APOLD1: variants seen among roughly 807,000 people sequenced by gnomAD.
APOLD1 encodes apolipoprotein L domain containing 1, also known as apolipoprotein L domain-containing protein 1.
APOLD1 carries 22 observed loss-of-function variants against 15.3 expected under a neutral mutation model. The ratio of observed to expected loss-of-function variants is 1.44; its 90% CI spans 1.03 to 2.05. APOLD1 has a LOEUF of 2.05. APOLD1 is among the 30% of genes most tolerant of loss of function. The pLI, the probability that APOLD1 is intolerant of heterozygous loss-of-function variation, is 0.00. For synonymous variants in APOLD1, 190 were observed against 167.4 expected (o/e 1.13, Z -1.04); for missense variants, 394 against 353.5 (o/e 1.11, Z -0.92).
intron 1 of APOLD1, among the ~76,000 whole-genome samples, chr12:12,776,937 AT>A (rs1387296343): frequency 6.6e-6 from 1 of 152,186 alleles, no homozygotes. Context: ...AGAAAAGTGT[AT>A]TTTTTAAATA....
At chr12:12,781,526 C>CT (rs774609531), upstream of APOLD1, among the ~76,000 whole-genome samples, 1,908 of 138,800 alleles carry the variant, frequency 0.014, 41 homozygotes, top group African/African-American at 0.036. Context: ...ATCACTTTAT[C>CT]TTTTTTTTTT....
chr12:12,763,636 A>G (rs538959776), intron 1 of APOLD1, among the ~76,000 whole-genome samples: 22 of 152,280 alleles, frequency 1.4e-4, no homozygotes, highest in African/African-American at 4.8e-4. Context: ...GATTTAAAGG[A>G]TAGGGAGGAT....
chr12:12,755,093 GT>G (rs1464895975), intron 1 of APOLD1, among the ~76,000 whole-genome samples: 1 of 151,994 alleles, frequency 6.6e-6, no homozygotes, highest in African/African-American at 2.4e-5. Flanking sequence ...TGTGATATAA[GT>G]GCAAGAATAG....
At chr12:12,761,833 A>ATAT in intron 1 of APOLD1, among the ~76,000 whole-genome samples, 2 of 121,004 alleles carry the variant, frequency 1.7e-5, no homozygotes, top group African/African-American at 1.0e-4. Context: ...ATATGTATAG[A>ATAT]GAGAGAGAGA....
At position 12,790,773 on chromosome 12, in the gene APOLD1, T is replaced by A. The variant is rs1451429008; in HGVS notation, c.*3121T>A. On this transcript the variant is annotated 3_prime_UTR_variant, in exon 2 of 2. Coordinates refer to ENST00000356591, the MANE Select transcript of APOLD1 (RefSeq NM_030817.3). ...CCATCGCCTTATGTGTGAGTAAGAT[T>A]GGAGCCTCTATCAAGATTTAGTCAA... 4 of 152,244 alleles carry A rather than the reference T, an allele frequency of 2.6e-5. No individual in the cohort carries two copies. The highest frequency in any genetic ancestry group is 9.6e-5 in the African/African-American group (4 of 41,468). 9.4% of individuals were successfully genotyped at this position (152,244 alleles called of 1,614,324 possible).
intron 1 of APOLD1, among the ~76,000 whole-genome samples, chr12:12,766,090 C>A (rs543648004): frequency 7.9e-5 from 12 of 152,126 alleles, no homozygotes; most frequent in Non-Finnish European, 1.5e-4. Flanking sequence ...AGGACCTTAT[C>A]TCTTAATTTT....
chr12:12,771,671 C>T (rs1946988317), intron 1 of APOLD1: 3 of 470,914 alleles, frequency 6.4e-6, no homozygotes, highest in African/African-American at 6.0e-5. Context: ...CCTCTTGTCT[C>T]CTCTGGCTCC....
At chr12:12,749,110 C>T (rs1946787781) in intron 1 of APOLD1, among the ~76,000 whole-genome samples, 1 of 152,150 alleles carries the variant, frequency 6.6e-6, no homozygotes, top group East Asian at 1.9e-4. Context: ...TTTGGTGAGG[C>T]TGCAGTCTCT....
chr12:12,746,166 A>G (rs532669342), intron 1 of APOLD1, among the ~76,000 whole-genome samples: 1 of 152,168 alleles, frequency 6.6e-6, no homozygotes, highest in East Asian at 1.9e-4. Context: ...AAGGCTTAAA[A>G]CGTATGTCTC....
chr12:12,732,217 A>C (rs1056704489), intron 1 of APOLD1, among the ~76,000 whole-genome samples: 4 of 152,218 alleles, frequency 2.6e-5, no homozygotes, highest in African/African-American at 9.6e-5. Flanking sequence ...TATGCTATGC[A>C]ATAAATGGTG....
chr12:12,768,681 G>A (rs943566869), intron 1 of APOLD1, among the ~76,000 whole-genome samples: 1 of 151,114 alleles, frequency 6.6e-6, no homozygotes, highest in Non-Finnish European at 1.5e-5. Flanking sequence ...AAGCAATTGA[G>A]TCTCAATAAG....
intron 1 of APOLD1, among the ~76,000 whole-genome samples, chr12:12,778,897 A>G (rs1189724442): frequency 6.6e-6 from 1 of 152,150 alleles, no homozygotes; most frequent in East Asian, 1.9e-4. Flanking sequence ...TCACACAACA[A>G]TGTCAAATTA....
chr12:12,779,253 G>A (rs1947061420), intron 1 of APOLD1, among the ~76,000 whole-genome samples: 1 of 151,892 alleles, frequency 6.6e-6, no homozygotes, highest in Admixed American at 6.6e-5. Context: ...CACACACCCC[G>A]GCACTTCCCC....
chr12:12,790,014 T>G lies in APOLD1; in HGVS notation c.*2362T>G, dbSNP rs1380603839. 3.3e-5 allele frequency: 5 copies of G among 151,754 alleles called. No homozygotes were observed. The highest frequency in any genetic ancestry group is 7.4e-5 in the Non-Finnish European group (5 of 67,946). 9.4% of individuals were successfully genotyped at this position (151,754 alleles called of 1,614,324 possible). A position where few individuals can be genotyped will look rare whatever the true frequency, so the allele number is the denominator to read the frequency against. On this transcript the variant is annotated 3_prime_UTR_variant, in exon 2 of 2. Coordinates refer to ENST00000356591, the MANE Select transcript of APOLD1 (RefSeq NM_030817.3). ...CACCCAGATGCTAGCATTTTTTTTTTTTTTTTGAGACAGAGTCTCACTCTG... is the reference window on the plus strand; with the variant it reads ...CACCCAGATGCTAGCATTTTTTTTTGTTTTTTGAGACAGAGTCTCACTCTG...
At chr12:12,782,363 T>C (rs1947088113), upstream of APOLD1, among the ~76,000 whole-genome samples, 1 of 152,156 alleles carries the variant, frequency 6.6e-6, no homozygotes, top group African/African-American at 2.4e-5. Context: ...TTCTCCCAGA[T>C]CCCACTCCAG....
At chr12:12,740,466 C>T (rs1259666133) in intron 1 of APOLD1, among the ~76,000 whole-genome samples, 1 of 152,136 alleles carries the variant, frequency 6.6e-6, no homozygotes, top group Non-Finnish European at 1.5e-5. Flanking sequence ...GCCCTGAGGT[C>T]CCAGCTGCCC....
intron 1 of APOLD1, among the ~76,000 whole-genome samples, chr12:12,777,079 C>T (rs1172623029): frequency 6.6e-6 from 1 of 152,154 alleles, no homozygotes; most frequent in Non-Finnish European, 1.5e-5. Context: ...TTTTATCTAA[C>T]CATCAGTTTC....
intron 1 of APOLD1, among the ~76,000 whole-genome samples, chr12:12,764,380 T>C (rs1384239404): frequency 6.6e-6 from 1 of 152,220 alleles, no homozygotes; most frequent in Non-Finnish European, 1.5e-5. Flanking sequence ...TGATGATGTT[T>C]ATGTTATGTT....
chr12:12,730,026 TTGTGTGTGTG>T (rs749843349), intron 1 of APOLD1, among the ~76,000 whole-genome samples: 5,867 of 117,488 alleles, frequency 0.05, 152 homozygotes, highest in Non-Finnish European at 0.063. Context: ...CCAGCTAACT[TTGTGTGTGTG>T]TGTGTGTGTG....
Sources: gnomAD v4.1 joint callset for allele counts (sites outside exome capture counted in the v4.1 genomes callset) on GRCh38, gnomAD v4.1.1 for gene constraint, MANE v1.5 for transcripts, NCBI Gene and HGNC (gene_info 2026-07-23, HGNC 2026-07-21) for gene names.